TTLL10: variants seen among roughly 807,000 people sequenced by gnomAD.
TTLL10 encodes tubulin tyrosine ligase like 10.
In TTLL10, 61 loss-of-function variants were observed where a neutral mutation model predicts 69.0. The ratio of observed to expected loss-of-function variants is 0.88; its 90% CI spans 0.72 to 1.09. TTLL10 has a LOEUF of 1.09. Ranked by LOEUF, TTLL10 falls within the 50% of genes least tolerant of loss-of-function variation. TTLL10 has a pLI of 0.00. For synonymous variants in TTLL10, 408 were observed against 393.3 expected (o/e 1.04, Z -0.44); for missense variants, 962 against 945.9 (o/e 1.02, Z -0.22).
At chr1:1,182,656 T>C (rs1206194008) in intron 10 of TTLL10, among the ~76,000 whole-genome samples, 1 of 149,896 alleles carries the variant, frequency 6.7e-6, no homozygotes, top group Admixed American at 6.6e-5. Flanking sequence ...TCGTGGAGGT[T>C]GGGGTATGAG....
At chr1:1,177,957 C>G in intron 3 of TTLL10, among the ~76,000 whole-genome samples, 1 of 152,180 alleles carries the variant, frequency 6.6e-6, no homozygotes, top group East Asian at 1.9e-4. Flanking sequence ...AGCCTGTGTT[C>G]CGCTCCTCCC....
Position 1,183,977 on chromosome 1 carries a change from G to A in TTLL10, c.1146G>A (p.Leu382=). The A allele has an allele frequency of 6.2e-7, 1 of 1,614,206 alleles. No homozygotes were observed. The highest frequency in any genetic ancestry group is 8.5e-7 in the Non-Finnish European group (1 of 1,180,040). ...DGRKFDVRSY[L]LIACTTPYMI... is the part of the protein sequence containing the mutation. ...GAAAGTTTGACGTGCGCTCCTACCTGCTCATTGCCTGCACCACACCCTACA... is the reference window on the plus strand; with the variant it reads ...GAAAGTTTGACGTGCGCTCCTACCTACTCATTGCCTGCACCACACCCTACA... The change falls in exon 12 of 16, where the codon CTG becomes CTA. Residue 382 remains leucine, a synonymous_variant. Transcript: ENST00000379289.
chr1:1,194,360 G>A (rs975724848), intron 13 of TTLL10, among the ~76,000 whole-genome samples: 10 of 152,116 alleles, frequency 6.6e-5, no homozygotes, highest in African/African-American at 2.2e-4. Flanking sequence ...GTTGTATACA[G>A]TTGTCTTTTA....
At chr1:1,197,358 T>TGCCCCCC in intron 15 of TTLL10, 80 bp from the exon 16 acceptor site, 2 of 903,784 alleles carry the variant, frequency 2.2e-6, no homozygotes, top group Non-Finnish European at 3.2e-6. Flanking sequence ...CTCACCTGGG[T>TGCCCCCC]CCCACCCCTC....
rs777273711 is a variant in TTLL10, at chr1:1,185,087, A to T, written c.1379A>T (p.Asp460Val). ...TGGAAGGCCCGGGGCCTCGCCAAGG[A>T]CTGGGTCTTCACCACCCTCAAGGTG... ...TFWKARGLAK[D>V]WVFTTLKKRM... The change falls in exon 13 of 16, where the codon GAC becomes GTC. Residue 460 changes from aspartate to valine, a missense_variant. Asp to Val is a radical substitution (Grantham distance 152). Coordinates refer to ENST00000379289, the MANE Select transcript of TTLL10 (RefSeq NM_001130045.2). This position sits in a 1 kb window ranked among gnomAD's most constrained non-coding sequence, Gnocchi z 6.1. The T allele has an allele frequency of 1.9e-6, 3 of 1,614,008 alleles. No homozygotes were observed. The highest frequency in any genetic ancestry group is 2.5e-6 in the Non-Finnish European group (3 of 1,179,968).
chr1:1,177,001 T>C (rs1382061727), intron 3 of TTLL10, among the ~76,000 whole-genome samples: 1 of 152,064 alleles, frequency 6.6e-6, no homozygotes, highest in Non-Finnish European at 1.5e-5. Flanking sequence ...TGCGTCTGTG[T>C]GTCTGTGTGT....
chr1:1,179,210 C>G lies in TTLL10; in HGVS notation c.-6C>G, dbSNP rs1042312220. The G allele has an allele frequency of 1.3e-6, 2 of 1,537,356 alleles. No individual in the cohort carries two copies. The highest frequency in any genetic ancestry group is 1.8e-6 in the Non-Finnish European group (2 of 1,140,048). On this transcript the variant is annotated 5_prime_UTR_variant, in exon 4 of 16. Transcript: ENST00000379289. ...TCAGGGCCCTCGCCCGGGCACCCCCCGGCCAATGGACCACAGCTGCACCCG... is the reference window on the plus strand; with the variant it reads ...TCAGGGCCCTCGCCCGGGCACCCCCGGGCCAATGGACCACAGCTGCACCCG...
At chr1:1,175,507 C>A (rs1036845890) in intron 3 of TTLL10, 19 of 370,412 alleles carry the variant, frequency 5.1e-5, no homozygotes, top group Non-Finnish European at 9.1e-5. Context: ...CCGGCCTCCC[C>A]GGGTGGTGCC....
Position 1,183,049 on chromosome 1 carries a change from TGCG to T in TTLL10, c.1088+10_1088+12del. On this transcript the variant is annotated splice_donor_5th_base_variant and intron_variant, in intron 11 of 15. Coordinates refer to ENST00000379289, the MANE Select transcript of TTLL10 (RefSeq NM_001130045.2). Reference sequence around the variant, plus strand: ...GCCTCAGGCGCGGGTGGTGCAGAGGTGCGGCGGCGGGTGCCCGGAGGGGTGAGG... The same window carrying T: ...GCCTCAGGCGCGGGTGGTGCAGAGGTGCGGCGGGTGCCCGGAGGGGTGAGG... 6.3e-7 allele frequency: 1 copy of T among 1,594,534 alleles called. No individual in the cohort carries two copies. The highest frequency in any genetic ancestry group is 2.3e-5 in the East Asian group (1 of 43,680).
chr1:1,181,784 T>A lies in TTLL10; in HGVS notation c.799T>A (p.Trp267Arg). The A allele has an allele frequency of 6.2e-7, 1 of 1,609,414 alleles. No individual in the cohort carries two copies. Among genetic ancestry groups the A allele is most frequent in the South Asian group, 1.1e-5 (1 of 89,806 alleles). ...AGCGCCCGCCCTGGAGGACCTCCCGTGGACAAGCCCAGGATACCTCAGGCC... is the reference window on the plus strand; with the variant it reads ...AGCGCCCGCCCTGGAGGACCTCCCGAGGACAAGCCCAGGATACCTCAGGCC... ...AAAPALEDLP[W>R]TSPGYLRPQR... Residue 267 changes from tryptophan (W) to arginine (R), a missense_variant, in exon 9 of 16, where the codon TGG (tryptophan) becomes AGG (arginine). By Grantham distance (101) the Trp-to-Arg change is moderately radical. Transcript: ENST00000379289. The surrounding 1 kb of genome is among the most constrained non-coding windows in gnomAD (Gnocchi z 4.6).
At chr1:1,193,328 A>AAAT (rs1252883694) in intron 13 of TTLL10, among the ~76,000 whole-genome samples, 3 of 152,264 alleles carry the variant, frequency 2.0e-5, no homozygotes, top group Non-Finnish European at 4.4e-5. Context: ...CCGTCTCAAA[A>AAAT]AATAATAATA....
chr1:1,176,903 C>A (rs1035437350), intron 3 of TTLL10, among the ~76,000 whole-genome samples: 1 of 152,178 alleles, frequency 6.6e-6, no homozygotes, highest in Admixed American at 6.5e-5. Flanking sequence ...TAAAAGCACG[C>A]GGCTCTCTGA....
chr1:1,174,487 C>T lies in TTLL10; in HGVS notation c.-30C>T, dbSNP rs573778160. 1 of 152,416 alleles carries T rather than the reference C, an allele frequency of 6.6e-6. No individual in the cohort carries two copies. Among genetic ancestry groups the T allele is most frequent in the African/African-American group, 2.4e-5 (1 of 41,460 alleles). 9.4% of individuals were successfully genotyped at this position (152,416 alleles called of 1,614,324 possible). On this transcript the variant is annotated splice_region_variant and 5_prime_UTR_variant, in exon 3 of 16. Coordinates refer to ENST00000379289, the MANE Select transcript of TTLL10 (RefSeq NM_001130045.2). ...TCTCCTGCCGGTCTTTTCATCTCAC[C>T]AGGTAAAACGCTTATTTTACAATTT...
At chr1:1,191,276 T>G (rs1266805631) in intron 13 of TTLL10, among the ~76,000 whole-genome samples, 1 of 152,230 alleles carries the variant, frequency 6.6e-6, no homozygotes, top group Non-Finnish European at 1.5e-5. Flanking sequence ...TACTTTATAA[T>G]TTCAACCCTT....
At position 1,180,083 on chromosome 1, in the gene TTLL10, G is replaced by A; in HGVS notation, c.249G>A (p.Arg83=). The A allele has an allele frequency of 6.2e-7, 1 of 1,605,616 alleles. No homozygotes were observed. The highest frequency in any genetic ancestry group is 1.3e-5 in the African/African-American group (1 of 74,962). Residue 83 remains arginine (R), a synonymous_variant, in exon 6 of 16, where the codon CGG becomes CGA. Transcript: ENST00000379289. ...GGAGCAGCCAGGAGGAGGGACTCCG[G>A]TGTCAGCCAAGCCAGCCAGACCACG... ...PMGSSQEEGL[R]CQPSQPDHDA...
chr1:1,179,128 A>G (rs1646959723), intron 3 of TTLL10, 61 bp from the exon 4 acceptor site: 2 of 1,174,266 alleles, frequency 1.7e-6, no homozygotes, highest in South Asian at 3.2e-5. Flanking sequence ...CCATCCAAGC[A>G]CTGGGGCCTC....
At position 1,197,906 on chromosome 1, in the gene TTLL10, CAG is replaced by C; in HGVS notation, c.*60_*61del. On this transcript the variant is annotated 3_prime_UTR_variant, in exon 16 of 16. Coordinates refer to ENST00000379289, the MANE Select transcript of TTLL10 (RefSeq NM_001130045.2). ...GCGCCCCAGCCGTGCTGCCTGCCCT[CAG>C]GGACCTATAAAGCCCACTTTGCTAC... 2 of 1,376,280 alleles carry C rather than the reference CAG, an allele frequency of 1.5e-6. No homozygotes were observed. The highest frequency in any genetic ancestry group is 1.9e-6 in the Non-Finnish European group (2 of 1,066,976). 85.3% of individuals were successfully genotyped at this position (1,376,280 alleles called of 1,614,324 possible). A position where few individuals can be genotyped will look rare whatever the true frequency, so the allele number is the denominator to read the frequency against.
rs540494380 is a variant in TTLL10, at chr1:1,197,693, G to T, written c.1868G>T (p.Arg623Leu). ...APPPLVPQRP[R>L]PPGPDLDSAH... Reference sequence around the variant, plus strand: ...CCTCCCTTGGTGCCGCAGCGTCCCCGGCCACCCGGCCCCGACCTGGACAGC... The same window carrying T: ...CCTCCCTTGGTGCCGCAGCGTCCCCTGCCACCCGGCCCCGACCTGGACAGC... The change falls in exon 16 of 16, where the codon CGG (arginine) becomes CTG (leucine). Residue 623 changes from arginine to leucine, a missense_variant. Transcript: ENST00000379289. 19 of 1,510,938 alleles carry T rather than the reference G, an allele frequency of 1.3e-5. No homozygotes were observed. The highest frequency in any genetic ancestry group is 1.6e-5 in the Non-Finnish European group (18 of 1,136,132). The allele number at this position is 1,510,938 out of a possible 1,614,324, so 93.6% of individuals were successfully genotyped here. A position where few individuals can be genotyped will look rare whatever the true frequency, so the allele number is the denominator to read the frequency against.
At chr1:1,177,505 G>A (rs907768371) in intron 3 of TTLL10, among the ~76,000 whole-genome samples, 1 of 152,168 alleles carries the variant, frequency 6.6e-6, no homozygotes, top group Non-Finnish European at 1.5e-5. Context: ...TAGAGACAAG[G>A]TTTCATCATA....
Sources: gnomAD v4.1 joint callset for allele counts (sites outside exome capture counted in the v4.1 genomes callset) on GRCh38, gnomAD v4.1.1 for gene constraint, Gnocchi (gnomAD v3.1) non-coding constraint, MANE v1.5 for transcripts, NCBI Gene and HGNC (gene_info 2026-07-23, HGNC 2026-07-21) for gene names.